SIK2: variants seen among roughly 807,000 people sequenced by gnomAD.
SIK2 encodes the protein serine/threonine-protein kinase SIK2.
In SIK2, 29 loss-of-function variants were observed where a neutral mutation model predicts 103.2. That is an observed-to-expected ratio of 0.28 (90% CI 0.21 to 0.38). The LOEUF (loss-of-function observed/expected upper bound fraction) is 0.38, where lower values mean the gene tolerates loss of function less well. SIK2 is among the 10% of genes least tolerant of loss of function. The probability of loss-of-function intolerance (pLI) is 1.00; values close to 1 mark genes in which losing one functional copy is unlikely to be tolerated. For synonymous variants in SIK2, 412 were observed against 446.1 expected, an observed-to-expected ratio of 0.92 and a Z score of 0.96; for missense variants, 879 against 1,171.0, an observed-to-expected ratio of 0.75 and a Z score of 3.64.
At chr11:111,703,455 G>A (rs555264091) in intron 7 of SIK2, 32 bp downstream of exon 7, 5 of 1,592,570 alleles carry the variant, frequency 3.1e-6, no homozygotes, top group Admixed American at 1.7e-5. Flanking sequence ...GGGTTCTACT[G>A]CACTTAGCTA....
In SIK2 at chr11:111,719,972, G is replaced by A. The variant is rs1258294636; in HGVS notation, c.1464G>A (p.Val488=). 1 of 1,614,056 alleles carries A rather than the reference G, an allele frequency of 6.2e-7. No individual in the cohort carries two copies. Among genetic ancestry groups the A allele is most frequent in the Admixed American group, 1.7e-5 (1 of 60,022 alleles). ...AGAGACGGCACACTCTGTCAGAAGT[G>A]ACCAATCAACTGGTCGTGATGCCTG... The part of the protein sequence containing the change: ...SGQRRHTLSE[V]TNQLVVMPGA... Residue 488 remains valine, a synonymous_variant, in exon 10 of 15, where the codon GTG becomes GTA. Coordinates refer to ENST00000304987, the MANE Select transcript of SIK2 (RefSeq NM_015191.3).
chr11:111,627,824 C>CAGATCATACTCTGTTCTTGCA (rs1391692453), intron 3 of SIK2, among the ~76,000 whole-genome samples: 1 of 152,130 alleles, frequency 6.6e-6, no homozygotes, highest in Non-Finnish European at 1.5e-5. Flanking sequence ...AGTTGGCCAG[C>CAGATCATACTCTGTTCTTGCA]AGATCATACT....
In SIK2 at chr11:111,723,603, C is replaced by T; in HGVS notation, c.2255C>T (p.Pro752Leu). 6.2e-7 allele frequency: 1 copy of T among 1,614,192 alleles called. No individual in the cohort carries two copies. The highest frequency in any genetic ancestry group is 1.6e-4 in the Middle Eastern group (1 of 6,062). ...TACCCACAGCCAAGTCAGCAGCTGC[C>T]CCTTCCCCGCCAGGAGACTCCACCG... is the stretch of plus-strand genomic sequence containing the variant. ...SSYPQPSQQL[P>L]LPRQETPPPS... Residue 752 changes from proline to leucine, a missense_variant, in exon 15 of 15, where the codon CCC becomes CTC. Pro to Leu is a moderately conservative substitution (Grantham distance 98, BLOSUM62 -3). Transcript: ENST00000304987.
chr11:111,609,363 C>A (rs530263038), intron 1 of SIK2, among the ~76,000 whole-genome samples: 2 of 151,968 alleles, frequency 1.3e-5, no homozygotes, highest in Non-Finnish European at 2.9e-5. Context: ...ACTCTGTCAC[C>A]CAGGCTGGAG....
At chr11:111,690,940 A>G (rs1204722085) in intron 4 of SIK2, among the ~76,000 whole-genome samples, 2 of 152,152 alleles carry the variant, frequency 1.3e-5, no homozygotes, top group African/African-American at 4.8e-5. Flanking sequence ...GTGTTCTAGG[A>G]GTTTTTTTAG....
intron 3 of SIK2, among the ~76,000 whole-genome samples, chr11:111,648,116 TAAAG>T (rs1348041863): frequency 1.3e-5 from 2 of 151,448 alleles, no homozygotes; most frequent in Non-Finnish European, 2.9e-5. Context: ...AAAGAAAAAA[TAAAG>T]AAAAAATAAA....
chr11:111,687,970 G>A (rs767732402), intron 3 of SIK2, 31 bp from the exon 4 acceptor site: 1 of 1,603,178 alleles, frequency 6.2e-7, no homozygotes, highest in Non-Finnish European at 8.5e-7. Flanking sequence ...TTATTTTGGT[G>A]ACTAATTCTT....
At chr11:111,714,420 G>C (rs1943582210) in intron 9 of SIK2, among the ~76,000 whole-genome samples, 1 of 152,218 alleles carries the variant, frequency 6.6e-6, no homozygotes, top group South Asian at 2.1e-4. Flanking sequence ...GAGCAAGGAA[G>C]CTCTGGGATC....
At chr11:111,715,311 AC>A (rs1385941842) in intron 9 of SIK2, among the ~76,000 whole-genome samples, 3 of 152,190 alleles carry the variant, frequency 2.0e-5, no homozygotes, top group African/African-American at 7.2e-5. Context: ...ATAAGTGCAC[AC>A]ACACACACAG....
chr11:111,667,239 T>G (rs1942557083), intron 3 of SIK2, among the ~76,000 whole-genome samples: 2 of 151,762 alleles, frequency 1.3e-5, no homozygotes, highest in Admixed American at 1.3e-4. Context: ...CCGGCCGTAG[T>G]CATTATCTTT....
At chr11:111,675,105 A>G (rs1263053281) in intron 3 of SIK2, among the ~76,000 whole-genome samples, 1 of 152,172 alleles carries the variant, frequency 6.6e-6, no homozygotes, top group Non-Finnish European at 1.5e-5. Flanking sequence ...GGCTTACATC[A>G]ACAGATATTC....
At chr11:111,664,059 A>T (rs1367880909) in intron 3 of SIK2, among the ~76,000 whole-genome samples, 2 of 152,228 alleles carry the variant, frequency 1.3e-5, no homozygotes, top group Non-Finnish European at 1.5e-5. Context: ...GCCAAATAGC[A>T]CATAATGCCT....
In SIK2 at chr11:111,643,498, A is replaced by G. The variant is rs575569395; in HGVS notation, c.316+23096A>G. 1.4e-3 allele frequency among the ~76,000 whole-genome samples: 206 copies of G among 152,228 alleles called. 1 individual carries two copies. The highest frequency in any genetic ancestry group is 4.7e-3 in the African/African-American group (195 of 41,536). Reference sequence around the variant, plus strand: ...AAAAGTTAATTATATTTGAAAATGTAGAGTAGACAGGCAATCATTGCAAAT... The same window carrying G: ...AAAAGTTAATTATATTTGAAAATGTGGAGTAGACAGGCAATCATTGCAAAT... On this transcript the variant is annotated intron_variant, in intron 3 of 14. Transcript: ENST00000304987.
intron 9 of SIK2, among the ~76,000 whole-genome samples, chr11:111,714,477 C>T (rs898329499): frequency 1.8e-4 from 28 of 152,064 alleles, no homozygotes; most frequent in Admixed American, 6.5e-5. Context: ...GTGTGTGCCC[C>T]GGTGCAGGGG....
chr11:111,710,295 G>T (rs1943461740), intron 8 of SIK2, among the ~76,000 whole-genome samples: 1 of 152,144 alleles, frequency 6.6e-6, no homozygotes, highest in South Asian at 2.1e-4. Flanking sequence ...CACAAGGAAA[G>T]CTATTTCTTT....
rs1943983825 is a variant in SIK2, at chr11:111,726,844, G to A, written c.*2715G>A. The A allele has an allele frequency of 1.3e-5, 11 of 854,594 alleles. No homozygotes were observed. The South Asian group carries it at 1.6e-4, about 13-fold the overall frequency. 52.9% of individuals were successfully genotyped at this position (854,594 alleles called of 1,614,324 possible). On this transcript the variant is annotated 3_prime_UTR_variant, in exon 15 of 15. Transcript: ENST00000304987. Reference sequence around the variant, plus strand: ...GTATCATCATCAGCTTCATCACCCTGTAAACCAGGCTCCTCTGAAGAGACT... The same window carrying A: ...GTATCATCATCAGCTTCATCACCCTATAAACCAGGCTCCTCTGAAGAGACT...
At chr11:111,623,241 GT>G (rs1941918184) in intron 3 of SIK2, among the ~76,000 whole-genome samples, 1 of 152,140 alleles carries the variant, frequency 6.6e-6, no homozygotes. Flanking sequence ...GACTAGGACT[GT>G]TTTTTAATGC....
intron 3 of SIK2, among the ~76,000 whole-genome samples, chr11:111,686,136 G>A (rs1015265589): frequency 6.6e-6 from 1 of 152,004 alleles, no homozygotes; most frequent in Non-Finnish European, 1.5e-5. Flanking sequence ...TTGTATAAAT[G>A]TTAGTAAATT....
intron 4 of SIK2, among the ~76,000 whole-genome samples, chr11:111,699,654 G>C (rs1440004241): frequency 6.6e-6 from 1 of 152,134 alleles, no homozygotes; most frequent in African/African-American, 2.4e-5. Flanking sequence ...ACTACTGCTT[G>C]CCTCTAGTTT....
Sources: gnomAD v4.1 joint callset for allele counts (sites outside exome capture counted in the v4.1 genomes callset) on GRCh38, gnomAD v4.1.1 for gene constraint, MANE v1.5 for transcripts, NCBI Gene and HGNC (gene_info 2026-07-23, HGNC 2026-07-21) for gene names.